PPARGC1A: variants seen among roughly 807,000 people sequenced by gnomAD.
PPARGC1A encodes peroxisome proliferator-activated receptor gamma coactivator 1-alpha.
In PPARGC1A, 25 loss-of-function variants were observed where a neutral mutation model predicts 88.7. The observed-to-expected ratio is 0.28, with a 90% confidence interval of 0.21 to 0.39. PPARGC1A has a LOEUF of 0.39. PPARGC1A is among the 10% of genes least tolerant of loss of function. The pLI, the probability that PPARGC1A is intolerant of heterozygous loss-of-function variation, is 1.00. For missense variants in PPARGC1A, 880 were observed against 968.7 expected (o/e 0.91, Z 1.22); for synonymous variants, 363 against 355.6 (o/e 1.02, Z -0.24).
the PPARGC1A span, among the ~76,000 whole-genome samples, chr4:24,420,062 C>G: frequency 6.6e-6 from 1 of 152,192 alleles, no homozygotes; most frequent in Non-Finnish European, 1.5e-5. Flanking sequence ...CAGTTGCTGA[C>G]ATTTCTGATG....
At chr4:24,407,114 G>T in the PPARGC1A span, among the ~76,000 whole-genome samples, 1 of 152,098 alleles carries the variant, frequency 6.6e-6, no homozygotes, top group African/African-American at 2.4e-5. Flanking sequence ...AGCTCCGGAG[G>T]CCTCCAAAGT....
At chr4:24,273,606 T>C in the PPARGC1A span, among the ~76,000 whole-genome samples, 3 of 152,216 alleles carry the variant, frequency 2.0e-5, no homozygotes, top group African/African-American at 4.8e-5. Context: ...TTTTCCTAAG[T>C]GTCAGGGCTG....
the PPARGC1A span, among the ~76,000 whole-genome samples, chr4:24,334,083 C>A: frequency 6.6e-6 from 1 of 152,006 alleles, no homozygotes; most frequent in Non-Finnish European, 1.5e-5. Context: ...TCACACCCCA[C>A]CCCAAAGTTT....
the PPARGC1A span, among the ~76,000 whole-genome samples, chr4:24,470,451 G>T: frequency 5.3e-5 from 8 of 152,122 alleles, no homozygotes; most frequent in Non-Finnish European, 1.2e-4. This position sits in a 1 kb window ranked among gnomAD's most constrained non-coding sequence, Gnocchi z 5.8. Flanking sequence ...CCCAAGGCCC[G>T]CCAGGCGGGG....
intron 2 of PPARGC1A, among the ~76,000 whole-genome samples, chr4:23,878,948 A>C (rs1715359043): frequency 6.6e-6 from 1 of 152,234 alleles, no homozygotes; most frequent in South Asian, 2.1e-4. Flanking sequence ...CTCTCCACTT[A>C]AATGGCTATT....
chr4:24,273,261 C>T, the PPARGC1A span, among the ~76,000 whole-genome samples: 15 of 152,244 alleles, frequency 9.9e-5, no homozygotes, highest in Non-Finnish European at 7.4e-5. Flanking sequence ...AAACTCTGCC[C>T]GCATCACTAT....
the PPARGC1A span, among the ~76,000 whole-genome samples, chr4:24,102,653 G>A: frequency 2.6e-5 from 4 of 152,212 alleles, no homozygotes; most frequent in Admixed American, 2.6e-4. Context: ...TGGGCAGAAA[G>A]AGTGCTATCC....
At chr4:24,356,450 A>G in the PPARGC1A span, among the ~76,000 whole-genome samples, 1 of 152,134 alleles carries the variant, frequency 6.6e-6, no homozygotes, top group Admixed American at 6.5e-5. Flanking sequence ...CACTATATAC[A>G]CCTGTAAGTA....
chr4:24,311,086 C>CT, the PPARGC1A span, among the ~76,000 whole-genome samples: 136 of 59,920 alleles, frequency 2.3e-3, 24 homozygotes, highest in African/African-American at 9.5e-3. Context: ...TATAATAATT[C>CT]TTTTTTTTTT....
the PPARGC1A span, among the ~76,000 whole-genome samples, chr4:24,309,988 G>C: frequency 2.6e-4 from 40 of 152,166 alleles, no homozygotes; most frequent in Non-Finnish European, 4.9e-4. Context: ...AATTAGTAAG[G>C]AAAAATGTGT....
At chr4:23,999,225 G>A in the PPARGC1A span, among the ~76,000 whole-genome samples, 1 of 152,200 alleles carries the variant, frequency 6.6e-6, no homozygotes, top group African/African-American at 2.4e-5. Context: ...TGTATTAGAT[G>A]TTGTTGAACA....
At chr4:24,378,371 A>G in the PPARGC1A span, among the ~76,000 whole-genome samples, 10 of 151,984 alleles carry the variant, frequency 6.6e-5, no homozygotes, top group Non-Finnish European at 1.0e-4. Context: ...TAAAATACCA[A>G]TCTGTGTAGT....
intron 2 of PPARGC1A, among the ~76,000 whole-genome samples, chr4:23,865,773 T>A (rs1409828287): frequency 1.3e-5 from 2 of 152,180 alleles, no homozygotes; most frequent in African/African-American, 4.8e-5. Flanking sequence ...TATTTCACAC[T>A]AAATTGGCAA....
chr4:24,203,002 C>T, the PPARGC1A span, among the ~76,000 whole-genome samples: 1 of 152,262 alleles, frequency 6.6e-6, no homozygotes, highest in East Asian at 1.9e-4. Context: ...CAGAAAGAGG[C>T]TCTTTCTCCA....
the PPARGC1A span, among the ~76,000 whole-genome samples, chr4:24,099,917 A>G: frequency 7.0e-6 from 1 of 143,876 alleles, no homozygotes; most frequent in African/African-American, 2.6e-5. Flanking sequence ...TTAGAAATGA[A>G]CAATGAGAAC....
the PPARGC1A span, among the ~76,000 whole-genome samples, chr4:24,094,596 C>T: frequency 6.6e-6 from 1 of 152,184 alleles, no homozygotes; most frequent in Non-Finnish European, 1.5e-5. Flanking sequence ...CTCAGAATAG[C>T]ATGACTTCCA....
chr4:24,364,990 G>T, the PPARGC1A span, among the ~76,000 whole-genome samples: 1 of 152,048 alleles, frequency 6.6e-6, no homozygotes, highest in East Asian at 1.9e-4. Context: ...TATGCAAGGA[G>T]ACTAAGGCAC....
At chr4:24,471,756 G>A in the PPARGC1A span, among the ~76,000 whole-genome samples, 1 of 152,238 alleles carries the variant, frequency 6.6e-6, no homozygotes, top group East Asian at 1.9e-4. This position sits in a 1 kb window ranked among gnomAD's most constrained non-coding sequence, Gnocchi z 5.4. Flanking sequence ...AAAGTTAAGT[G>A]TGTTTGTGGG....
the PPARGC1A span, among the ~76,000 whole-genome samples, chr4:24,332,324 C>T: frequency 1.3e-5 from 2 of 151,928 alleles, no homozygotes; most frequent in African/African-American, 4.8e-5. Context: ...AGGATGACCC[C>T]AAGAAGAGAG....
Sources: gnomAD v4.1 joint callset for allele counts (sites outside exome capture counted in the v4.1 genomes callset) on GRCh38, gnomAD v4.1.1 for gene constraint, Gnocchi (gnomAD v3.1) non-coding constraint, MANE v1.5 for transcripts, NCBI Gene and HGNC (gene_info 2026-07-23, HGNC 2026-07-21) for gene names.